Variants in FBLN7 observed in about 807,000 individuals in gnomAD.
The protein encoded by FBLN7 is fibulin-7.
FBLN7 carries 31 observed loss-of-function variants against 44.0 expected under a neutral mutation model. The ratio of observed to expected loss-of-function variants is 0.70; its 90% CI spans 0.53 to 0.95. The LOEUF (loss-of-function observed/expected upper bound fraction) is 0.95. FBLN7 is among the 40% of genes least tolerant of loss of function. The pLI, the probability that FBLN7 is intolerant of heterozygous loss-of-function variation, is 0.00. For synonymous variants in FBLN7, 262 were observed against 253.4 expected, an observed-to-expected ratio of 1.03 and a Z score of -0.32; for missense variants, 573 against 618.5, an observed-to-expected ratio of 0.93 and a Z score of 0.78.
chr2:112,213,982 G>A, the FBLN7 span: 1 of 123,586 alleles, frequency 8.1e-6, no homozygotes, highest in African/African-American at 3.1e-5. Flanking sequence ...GAGTCTCACT[G>A]TCGCCCAGGC....
chr2:112,161,051 C>G (rs906621181), intron 2 of FBLN7, among the ~76,000 whole-genome samples: 4 of 152,186 alleles, frequency 2.6e-5, no homozygotes, highest in Non-Finnish European at 5.9e-5. Flanking sequence ...AGACTCCCTC[C>G]CATGAGGGCA....
At chr2:112,210,681 G>GAAAAAAAAAAAAAAAAAAAAAAA in the FBLN7 span, among the ~76,000 whole-genome samples, 1 of 129,914 alleles carries the variant, frequency 7.7e-6, no homozygotes. Flanking sequence ...AAAAAAAAAG[G>GAAAAAAAAAAAAAAAAAAAAAAA]AAAGGTAGAA....
chr2:112,182,837 C>G lies in FBLN7; in HGVS notation c.717C>G (p.Leu239=). 1 of 1,612,196 alleles carries G rather than the reference C, an allele frequency of 6.2e-7. No homozygotes were observed. The highest frequency in any genetic ancestry group is 1.1e-5 in the South Asian group (1 of 90,488). ...ACGGGCAGGAGGGGCGCCCCCGGCT[C>G]TGCATGCACGCCTGCGTGAACACCC... ...ELYGQEGRPR[L]CMHACVNTPG... is the part of the protein sequence containing the mutation. Residue 239 remains leucine (L), a synonymous_variant, in exon 6 of 8, where the codon CTC becomes CTG. Transcript: ENST00000331203.
rs542490335 is a variant in FBLN7 at position 112,145,573 on chromosome 2, A to G, written c.75+6843A>G. 2.8e-4 allele frequency among the ~76,000 whole-genome samples: 43 copies of G among 152,298 alleles called. No individual in the cohort carries two copies. In the South Asian group the frequency reaches 3.1e-3, roughly 11 times the overall value. ...TTTAAATTTTAATGAACTTTAGTTTATCAATTTTTTATTTTAATGGATTGT... is the reference window on the plus strand; with the variant it reads ...TTTAAATTTTAATGAACTTTAGTTTGTCAATTTTTTATTTTAATGGATTGT... On this transcript the variant is annotated intron_variant, in intron 1 of 7. Coordinates refer to ENST00000331203, the MANE Select transcript of FBLN7 (RefSeq NM_153214.3).
intron 1 of FBLN7, among the ~76,000 whole-genome samples, chr2:112,156,909 C>T (rs966588538): frequency 3.9e-5 from 6 of 152,090 alleles, no homozygotes; most frequent in African/African-American, 4.8e-5. Context: ...CCATTCCCAC[C>T]GCGGTGGTGG....
intron 1 of FBLN7, among the ~76,000 whole-genome samples, chr2:112,156,246 AAGG>A (rs1419893546): frequency 6.6e-6 from 1 of 152,160 alleles, no homozygotes; most frequent in African/African-American, 2.4e-5. Flanking sequence ...TGTGAGAACA[AAGG>A]AGGCAGTCCA....
intron 1 of FBLN7, among the ~76,000 whole-genome samples, chr2:112,156,654 C>T (rs1445038030): frequency 6.6e-6 from 1 of 152,184 alleles, no homozygotes; most frequent in African/African-American, 2.4e-5. Flanking sequence ...GGAGGGACCA[C>T]AACGTGGGAG....
chr2:112,208,527 G>A, the FBLN7 span, among the ~76,000 whole-genome samples: 1 of 152,152 alleles, frequency 6.6e-6, no homozygotes, highest in Non-Finnish European at 1.5e-5. Context: ...TTAGGTCTAT[G>A]TTTTATTGTT....
chr2:112,154,776 T>C (rs1177536786), intron 1 of FBLN7, among the ~76,000 whole-genome samples: 1 of 151,442 alleles, frequency 6.6e-6, no homozygotes, highest in Non-Finnish European at 1.5e-5. Context: ...GGGAGGGTGG[T>C]GGGTTTGGGA....
At chr2:112,158,099 G>A (rs1405714216) in intron 1 of FBLN7, among the ~76,000 whole-genome samples, 5 of 151,386 alleles carry the variant, frequency 3.3e-5, no homozygotes, top group African/African-American at 7.3e-5. Flanking sequence ...GGGTTTCACC[G>A]TGTTAGCCAG....
At chr2:112,241,813 T>C in the FBLN7 span, among the ~76,000 whole-genome samples, 195 of 152,366 alleles carry the variant, frequency 1.3e-3, no homozygotes, top group African/African-American at 4.4e-3. Context: ...TATTACTCTA[T>C]AGCATTTGTT....
intron 4 of FBLN7, among the ~76,000 whole-genome samples, chr2:112,178,436 G>A (rs914092111): frequency 1.3e-5 from 2 of 152,084 alleles, no homozygotes; most frequent in African/African-American, 4.8e-5. Context: ...AAGAAGAGCT[G>A]GTACCATTCC....
chr2:112,170,988 C>T (rs571029611), intron 3 of FBLN7, among the ~76,000 whole-genome samples: 4 of 152,074 alleles, frequency 2.6e-5, no homozygotes, highest in South Asian at 4.2e-4. Context: ...GATGGTGTGC[C>T]GGGTGTCATT....
chr2:112,188,356 T>C (rs528520510), downstream of FBLN7: 6 of 152,326 alleles, frequency 3.9e-5, no homozygotes, highest in African/African-American at 1.4e-4. Context: ...TGTTCCACAT[T>C]ATAAATTTGT....
chr2:112,156,824 C>T (rs1681455111), intron 1 of FBLN7, among the ~76,000 whole-genome samples: 1 of 152,180 alleles, frequency 6.6e-6, no homozygotes, highest in African/African-American at 2.4e-5. Context: ...TTCAGTCTGG[C>T]CAGTGAGTCA....
chr2:112,160,794 A>ACG (rs869288007), intron 2 of FBLN7, among the ~76,000 whole-genome samples: 6 of 138,608 alleles, frequency 4.3e-5, no homozygotes, highest in South Asian at 2.3e-4. Flanking sequence ...ACGCACACGC[A>ACG]CACACGCACG....
intron 1 of FBLN7, among the ~76,000 whole-genome samples, chr2:112,157,999 G>C (rs1681525255): frequency 6.6e-6 from 1 of 151,464 alleles, no homozygotes; most frequent in Admixed American, 6.6e-5. Context: ...CGGGGTTCAC[G>C]CCATTCTCCT....
chr2:112,155,183 T>C (rs1681351833), intron 1 of FBLN7, among the ~76,000 whole-genome samples: 1 of 152,156 alleles, frequency 6.6e-6, no homozygotes, highest in Admixed American at 6.5e-5. Flanking sequence ...GGCACTGGGG[T>C]CTCAGGCCCC....
chr2:112,153,815 C>T (rs575484331), intron 1 of FBLN7, among the ~76,000 whole-genome samples: 1 of 152,288 alleles, frequency 6.6e-6, no homozygotes, highest in South Asian at 2.1e-4. Context: ...GAGGAATCTT[C>T]CGTGGACCCG....
Sources: allele counts gnomAD v4.1 joint callset (sites outside exome capture counted in the v4.1 genomes callset), GRCh38; gene constraint gnomAD v4.1.1; transcripts MANE v1.5; gene names NCBI Gene and HGNC (gene_info 2026-07-23, HGNC 2026-07-21).